PRKAA2: variants seen among roughly 807,000 people sequenced by gnomAD.
PRKAA2 encodes 5'-AMP-activated protein kinase catalytic subunit alpha-2.
Under a neutral mutation model 56.3 loss-of-function variants are expected in PRKAA2, and 40 were observed. The observed-to-expected ratio is 0.71, with a 90% CI of 0.55 to 0.92. The LOEUF is 0.92. PRKAA2 is among the 40% of genes least tolerant of loss of function. The pLI, the probability that PRKAA2 is intolerant of heterozygous loss-of-function variation, is 0.00. For missense variants in PRKAA2, 542 were observed against 686.9 expected, an observed-to-expected ratio of 0.79 and a Z score of 2.36; for synonymous variants, 214 against 234.2, an observed-to-expected ratio of 0.91 and a Z score of 0.79.
In PRKAA2 at chr1:56,660,809, A is replaced by G. The variant is rs563321217; in HGVS notation, c.95-13572A>G. ...CTTGTGGGAGTTTTGGGAATTAAAT[A>G]TGTACATAAAGTACTATTTAATAAA... On this transcript the variant is annotated intron_variant, in intron 1 of 8. Transcript: ENST00000371244. Among the ~76,000 whole-genome samples the G allele has an allele frequency of 2.0e-5, 3 of 152,326 alleles. No individual in the cohort carries two copies. In the East Asian group the frequency reaches 5.8e-4, roughly 29 times the overall value.
chr1:56,706,220 T>C lies in PRKAA2; in HGVS notation c.1420+2T>C. The C allele has an allele frequency of 1.9e-6, 3 of 1,612,482 alleles. No individual in the cohort carries two copies. In the South Asian group the frequency reaches 3.3e-5, roughly 18 times the overall value. ...TTTTGGACTTTAAAAGCATTGATGG[T>C]AAGGAAGCTATGCATGCATGAGCTC... On this transcript the variant is annotated splice_donor_variant, in intron 8 of 8. Coordinates refer to ENST00000371244, the MANE Select transcript of PRKAA2 (RefSeq NM_006252.4). LOFTEE classifies it high-confidence loss of function.
intron 2 of PRKAA2, among the ~76,000 whole-genome samples, chr1:56,683,720 G>A (rs2796511): frequency 0.44 from 67,528 of 152,040 alleles, 15,584 homozygotes; most frequent in East Asian, 0.59. Flanking sequence ...TGAAGTGGGT[G>A]AATGTTACAC....
intron 6 of PRKAA2, among the ~76,000 whole-genome samples, chr1:56,699,332 G>T (rs1037809882): frequency 6.6e-6 from 1 of 152,086 alleles, no homozygotes; most frequent in South Asian, 2.1e-4. Context: ...CAGGTATCAG[G>T]TAGTAGTGAT....
At chr1:56,679,614 T>A (rs1644138869) in intron 2 of PRKAA2, among the ~76,000 whole-genome samples, 1 of 152,212 alleles carries the variant, frequency 6.6e-6, no homozygotes, top group Non-Finnish European at 1.5e-5. Context: ...CCATTTTTCT[T>A]TGCTCTGTCA....
At chr1:56,646,807 T>G (rs1351827147) in intron 1 of PRKAA2, among the ~76,000 whole-genome samples, 1 of 152,216 alleles carries the variant, frequency 6.6e-6, no homozygotes, top group Non-Finnish European at 1.5e-5. Flanking sequence ...AGCTCCTGTT[T>G]TCTTGCACAT....
intron 2 of PRKAA2, among the ~76,000 whole-genome samples, chr1:56,689,415 G>A (rs1031277584): frequency 6.6e-6 from 1 of 152,028 alleles, no homozygotes; most frequent in Non-Finnish European, 1.5e-5. Context: ...ACTAATGATT[G>A]CCATTCAAAA....
Position 56,713,448 on chromosome 1 carries a change from G to C in PRKAA2, c.*5735G>C, listed in dbSNP as rs1178894047. ...TTTAGATTTTATGGAAGTGGCTCTT[G>C]ATTGTTTGGACAAGCAGGGTAGGTA... On this transcript the variant is annotated 3_prime_UTR_variant, in exon 9 of 9. Coordinates refer to ENST00000371244, the MANE Select transcript of PRKAA2 (RefSeq NM_006252.4). 2 of 152,090 alleles carry C rather than the reference G, an allele frequency of 1.3e-5. No homozygotes were observed. The highest frequency in any genetic ancestry group is 2.9e-5 in the Non-Finnish European group (2 of 68,022). The allele number at this position is 152,090 out of a possible 1,614,324, so 9.4% of individuals were successfully genotyped here.
chr1:56,675,932 G>A (rs996503036), intron 2 of PRKAA2, among the ~76,000 whole-genome samples: 3 of 149,900 alleles, frequency 2.0e-5, no homozygotes, highest in African/African-American at 4.9e-5. Context: ...TACAGAGAAA[G>A]CATGTTCATA....
At chr1:56,695,046 T>C (rs1288650775) in intron 5 of PRKAA2, among the ~76,000 whole-genome samples, 1 of 151,308 alleles carries the variant, frequency 6.6e-6, no homozygotes, top group African/African-American at 2.4e-5. Flanking sequence ...ATGATTTTAG[T>C]CATATGAGTT....
At chr1:56,701,447 C>A (rs1644292872) in intron 6 of PRKAA2, among the ~76,000 whole-genome samples, 1 of 151,850 alleles carries the variant, frequency 6.6e-6, no homozygotes, top group African/African-American at 2.4e-5. Flanking sequence ...TATTGCTGAA[C>A]ATTAATAGGT....
Position 56,706,320 on chromosome 1 carries a change from A to G in PRKAA2, c.1420+102A>G, listed in dbSNP as rs1307212161. 1.6e-5 allele frequency: 22 copies of G among 1,390,220 alleles called. 1 individual carries two copies. The Admixed American group carries it at 5.0e-4, about 32-fold the overall frequency. The allele number at this position is 1,390,220 out of a possible 1,614,324, so 86.1% of individuals were successfully genotyped here. A position where few individuals can be genotyped will look rare whatever the true frequency, so the allele number is the denominator to read the frequency against. ...AAGACATCCGGTGGGTAGGTCCTGC[A>G]CTGGTTTTTAAGCAATCTAGACTTA... is the stretch of plus-strand genomic sequence containing the variant. On this transcript the variant is annotated intron_variant, in intron 8 of 8. Transcript: ENST00000371244.
intron 2 of PRKAA2, among the ~76,000 whole-genome samples, chr1:56,677,521 CTT>C (rs1202693887): frequency 6.6e-6 from 1 of 152,174 alleles, no homozygotes; most frequent in African/African-American, 2.4e-5. Flanking sequence ...CCCTGAAAGA[CTT>C]TGAGGAAATT....
chr1:56,668,981 C>T (rs1042442583), intron 1 of PRKAA2, among the ~76,000 whole-genome samples: 2 of 152,116 alleles, frequency 1.3e-5, no homozygotes, highest in East Asian at 3.9e-4. Flanking sequence ...GCAGGAGTGG[C>T]TTAAAAGCTT....
intron 6 of PRKAA2, among the ~76,000 whole-genome samples, chr1:56,702,580 C>T (rs571525411): frequency 6.6e-6 from 1 of 152,296 alleles, no homozygotes; most frequent in Admixed American, 6.5e-5. Flanking sequence ...CATCTCATAA[C>T]TCATTCTTCT....
Position 56,693,767 on chromosome 1 carries a change from TTATC to T in PRKAA2, c.481_484del (p.Ser161IlefsTer2). On this transcript the variant is annotated frameshift_variant, in exon 5 of 9. Transcript: ENST00000371244. LOFTEE classifies it high-confidence loss of function. ...GTAAACATTACTTTTATTTTTAGGA[TTATC>T]TAATATGATGTCAGATGGTGAATTT... 1 of 1,561,504 alleles carries T rather than the reference TTATC, an allele frequency of 6.4e-7. No individual in the cohort carries two copies. The highest frequency in any genetic ancestry group is 8.7e-7 in the Non-Finnish European group (1 of 1,143,258).
chr1:56,689,897 G>GACACAC (rs3034077), intron 2 of PRKAA2, among the ~76,000 whole-genome samples: 1 of 147,044 alleles, frequency 6.8e-6, no homozygotes, highest in African/African-American at 2.5e-5. Context: ...CAGACACACA[G>GACACAC]ACACACACAC....
chr1:56,680,627 T>C (rs891123477), intron 2 of PRKAA2, among the ~76,000 whole-genome samples: 3 of 152,084 alleles, frequency 2.0e-5, no homozygotes, highest in African/African-American at 7.2e-5. Flanking sequence ...TCTGTCCTTG[T>C]GATAGTTTGC....
chr1:56,663,494 C>T (rs1327944805), intron 1 of PRKAA2, among the ~76,000 whole-genome samples: 1 of 152,150 alleles, frequency 6.6e-6, no homozygotes, highest in East Asian at 1.9e-4. Context: ...TTGGAAAAGC[C>T]ATGTTTCATT....
intron 4 of PRKAA2, 141 bp from the exon 5 acceptor site, chr1:56,693,624 T>C: frequency 1.9e-6 from 1 of 515,266 alleles, no homozygotes; most frequent in Non-Finnish European, 3.4e-6. Flanking sequence ...TCCAGTTAAA[T>C]GCTTTCCACT....
Sources: allele counts gnomAD v4.1 joint callset (sites outside exome capture counted in the v4.1 genomes callset), GRCh38; gene constraint gnomAD v4.1.1; transcripts MANE v1.5; gene names NCBI Gene and HGNC (gene_info 2026-07-23, HGNC 2026-07-21).